Variants in SCARA5 observed in about 807,000 individuals in gnomAD.
SCARA5 encodes the protein scavenger receptor class A, member 5 (putative).
SCARA5 carries 45 observed loss-of-function variants against 46.3 expected under a neutral mutation model. The ratio of observed to expected loss-of-function variants is 0.97; its 90% CI spans 0.76 to 1.24. The LOEUF (loss-of-function observed/expected upper bound fraction) is 1.24, where lower values mean the gene tolerates loss of function less well. Among genes scored for constraint, SCARA5 ranks in the 50% most tolerant of loss-of-function variants. The probability of loss-of-function intolerance (pLI) is 0.00; values close to 1 mark genes in which losing one functional copy is unlikely to be tolerated. For synonymous variants in SCARA5, 333 were observed against 306.5 expected (o/e 1.09, Z -0.90); for missense variants, 680 against 689.0 (o/e 0.99, Z 0.15).
chr8:27,989,221 C>T (rs560679926), intron 1 of SCARA5, among the ~76,000 whole-genome samples: 17 of 148,622 alleles, frequency 1.1e-4, no homozygotes, highest in East Asian at 2.0e-4. Context: ...CTGCAACCTC[C>T]GCCTCCCGGG....
In SCARA5 at chr8:27,870,991, T is replaced by G. The variant is rs113666475; in HGVS notation, c.*943A>C. On this transcript the variant is annotated 3_prime_UTR_variant, in exon 9 of 9. Transcript: ENST00000354914. ...CCTCCACATCAGCTCTCCTCCTACA[T>G]TGATGGTCGGCCTGGAAGCCAGTCA... 5 of 152,370 alleles carry G rather than the reference T, an allele frequency of 3.3e-5. No homozygotes were observed. Among genetic ancestry groups the G allele is most frequent in the African/African-American group, 1.2e-4 (5 of 41,582 alleles). 9.4% of individuals were successfully genotyped at this position (152,370 alleles called of 1,614,324 possible).
chr8:27,946,144 G>C (rs964800640), intron 3 of SCARA5, among the ~76,000 whole-genome samples: 49 of 152,216 alleles, frequency 3.2e-4, no homozygotes, highest in African/African-American at 1.2e-3. Flanking sequence ...AGAAGTCGTG[G>C]ATGAGCAATT....
At chr8:27,912,967 G>A (rs1368741717) in intron 4 of SCARA5, among the ~76,000 whole-genome samples, 1 of 152,206 alleles carries the variant, frequency 6.6e-6, no homozygotes, top group Non-Finnish European at 1.5e-5. Flanking sequence ...ATGATGACTA[G>A]AGAAGGGCTT....
chr8:27,940,146 A>G (rs943194599), intron 3 of SCARA5, among the ~76,000 whole-genome samples: 1 of 152,218 alleles, frequency 6.6e-6, no homozygotes, highest in Non-Finnish European at 1.5e-5. Context: ...TTGGAGCAGC[A>G]TAAGCTCTCC....
At chr8:27,918,000 A>C (rs1807490462) in intron 4 of SCARA5, among the ~76,000 whole-genome samples, 1 of 152,190 alleles carries the variant, frequency 6.6e-6, no homozygotes, top group Non-Finnish European at 1.5e-5. Flanking sequence ...AAGATTTAAC[A>C]GTTGCTTTTA....
intron 3 of SCARA5, among the ~76,000 whole-genome samples, chr8:27,934,938 T>G (rs1807831162): frequency 6.6e-6 from 1 of 152,272 alleles, no homozygotes. Flanking sequence ...ACGGCCAGCA[T>G]GAAGGAGGTG....
At chr8:27,902,303 G>C (rs561924609) in intron 7 of SCARA5, among the ~76,000 whole-genome samples, 2 of 152,208 alleles carry the variant, frequency 1.3e-5, no homozygotes, top group East Asian at 1.9e-4. Flanking sequence ...GCCAAGTGGA[G>C]GGGGTGGCCT....
At chr8:27,948,445 C>A (rs1808070600) in intron 3 of SCARA5, among the ~76,000 whole-genome samples, 1 of 152,238 alleles carries the variant, frequency 6.6e-6, no homozygotes, top group Admixed American at 6.5e-5. Context: ...CCTTCCCCTT[C>A]CCCTATCTTC....
chr8:27,965,234 G>A (rs565156031), intron 3 of SCARA5, among the ~76,000 whole-genome samples: 90 of 152,342 alleles, frequency 5.9e-4, no homozygotes, highest in African/African-American at 1.8e-3. Context: ...CCCGCTTGAC[G>A]GAAAGTGAAT....
At chr8:27,989,125 C>CT (rs1343447251) in intron 1 of SCARA5, among the ~76,000 whole-genome samples, 1 of 118,734 alleles carries the variant, frequency 8.4e-6, no homozygotes, top group Non-Finnish European at 1.7e-5. Flanking sequence ...CTGTTTCTTT[C>CT]TTTCTTTTTT....
chr8:27,946,107 C>G (rs537303010), intron 3 of SCARA5, among the ~76,000 whole-genome samples: 1 of 152,294 alleles, frequency 6.6e-6, no homozygotes, highest in South Asian at 2.1e-4. Context: ...ATTTATCACT[C>G]TCTTATTTGT....
At chr8:27,952,397 G>T (rs1274093548) in intron 3 of SCARA5, among the ~76,000 whole-genome samples, 1 of 152,002 alleles carries the variant, frequency 6.6e-6, no homozygotes, top group Non-Finnish European at 1.5e-5. Context: ...CCATCTGGCA[G>T]TTGGAGATCA....
chr8:27,967,419 G>A (rs1404827082), intron 2 of SCARA5, among the ~76,000 whole-genome samples: 2 of 152,170 alleles, frequency 1.3e-5, no homozygotes, highest in Admixed American at 6.5e-5. Flanking sequence ...CCCATGAAGA[G>A]GCTTACTGAT....
chr8:27,973,687 T>C (rs1380035288), intron 2 of SCARA5, among the ~76,000 whole-genome samples: 1 of 152,166 alleles, frequency 6.6e-6, no homozygotes, highest in Non-Finnish European at 1.5e-5. Context: ...CACTCTCTGA[T>C]TCAGTGGTGA....
chr8:27,943,997 C>T (rs969622474), intron 3 of SCARA5, among the ~76,000 whole-genome samples: 1 of 152,232 alleles, frequency 6.6e-6, no homozygotes, highest in African/African-American at 2.4e-5. Flanking sequence ...TCCACCTCCT[C>T]AAATGACTTA....
chr8:27,987,457 C>G (rs376617906), intron 2 of SCARA5, 47 bp downstream of exon 2: 1 of 1,382,820 alleles, frequency 7.2e-7, no homozygotes, highest in East Asian at 2.3e-5. Flanking sequence ...TCCTTCCCCA[C>G]CCCCAGGCCA....
rs150110582 is a variant in SCARA5, at chr8:27,890,713, C to A, written c.1154-10947G>T. Among the ~76,000 whole-genome samples, 1,457 of 152,334 alleles carry A rather than the reference C, an allele frequency of 9.6e-3. 31 individuals are homozygous for A. The highest frequency in any genetic ancestry group is 0.033 in the African/African-American group (1,369 of 41,574). On this transcript the variant is annotated intron_variant, in intron 7 of 8. Transcript: ENST00000354914. Reference sequence around the variant, plus strand: ...GGGTGGGAAAGGTGCTGCCCCAGCACGGAGGCCACAGCTCGCTGTGCACAC... The same window carrying A: ...GGGTGGGAAAGGTGCTGCCCCAGCAAGGAGGCCACAGCTCGCTGTGCACAC...
chr8:27,917,024 C>T (rs1429029809), intron 4 of SCARA5, among the ~76,000 whole-genome samples: 3 of 152,194 alleles, frequency 2.0e-5, no homozygotes, highest in Non-Finnish European at 4.4e-5. Context: ...AGCAAGAAGT[C>T]ACCAACTATC....
Position 27,879,775 on chromosome 8 carries a change from G to GC in SCARA5, c.1154-10dup. On this transcript the variant is annotated splice_polypyrimidine_tract_variant and intron_variant, in intron 7 of 8. Coordinates refer to ENST00000354914, the MANE Select transcript of SCARA5 (RefSeq NM_173833.6). ...CGGGGCCTCCACGCCACCTGCCGGA[G>GC]CAGCCAACTGTCACTACCCAGCTCT... 1 of 1,612,030 alleles carries GC rather than the reference G, an allele frequency of 6.2e-7. No individual in the cohort carries two copies. The highest frequency in any genetic ancestry group is 8.5e-7 in the Non-Finnish European group (1 of 1,179,930).
Sources: allele counts gnomAD v4.1 joint callset (sites outside exome capture counted in the v4.1 genomes callset), GRCh38; gene constraint gnomAD v4.1.1; transcripts MANE v1.5; gene names NCBI Gene and HGNC (gene_info 2026-07-23, HGNC 2026-07-21).